The following DDHD1 variants were observed in gnomAD, a reference collection of about 807,000 sequenced individuals.
The protein encoded by DDHD1 is phospholipase DDHD1.
Under a neutral mutation model 96.4 loss-of-function variants are expected in DDHD1, and 49 were observed. The observed-to-expected ratio is 0.51, with a 90% CI of 0.40 to 0.64. The LOEUF (loss-of-function observed/expected upper bound fraction) is 0.64. DDHD1 is among the 30% of genes least tolerant of loss of function. The pLI, the probability that DDHD1 is intolerant of heterozygous loss-of-function variation, is 0.00. For synonymous variants in DDHD1, 442 were observed against 446.5 expected, an observed-to-expected ratio of 0.99 and a Z score of 0.13; for missense variants, 1,106 against 1,161.2, an observed-to-expected ratio of 0.95 and a Z score of 0.69.
At chr14:53,118,407 AC>A (rs1156630251) in intron 1 of DDHD1, among the ~76,000 whole-genome samples, 1 of 152,136 alleles carries the variant, frequency 6.6e-6, no homozygotes, top group Non-Finnish European at 1.5e-5. Flanking sequence ...AAAGCTAAAA[AC>A]CTTGAAAAAA....
Position 53,041,463 on chromosome 14 carries a change from C to T in DDHD1, c.*5305G>A, listed in dbSNP as rs762134825. On this transcript the variant is annotated 3_prime_UTR_variant, in exon 13 of 13. Transcript: ENST00000673822. ...CTCATAGTCTCCAAAAAGGATAGTACTTAAATTTTAAATTTCTGAGTTAAC... is the reference window on the plus strand; with the variant it reads ...CTCATAGTCTCCAAAAAGGATAGTATTTAAATTTTAAATTTCTGAGTTAAC... 2.0e-5 allele frequency: 3 copies of T among 152,020 alleles called. No homozygotes were observed. Among genetic ancestry groups the T allele is most frequent in the African/African-American group, 4.8e-5 (2 of 41,402 alleles). The allele number at this position is 152,020 out of a possible 1,614,324, so 9.4% of individuals were successfully genotyped here. A position where few individuals can be genotyped will look rare whatever the true frequency, so the allele number is the denominator to read the frequency against.
chr14:53,106,156 C>T (rs750013864), intron 1 of DDHD1, among the ~76,000 whole-genome samples: 14 of 152,056 alleles, frequency 9.2e-5, no homozygotes, highest in Non-Finnish European at 2.1e-4. Context: ...ATTCTTTTTA[C>T]TTTGTCAGAA....
intron 1 of DDHD1, chr14:53,149,975 A>G (rs1383661401): frequency 2.0e-5 from 3 of 152,228 alleles, no homozygotes; most frequent in South Asian, 2.1e-4. Context: ...TTAGCACTGC[A>G]TATCTACCCT....
chr14:53,120,953 T>C (rs1036301420), intron 1 of DDHD1, among the ~76,000 whole-genome samples: 6 of 152,070 alleles, frequency 3.9e-5, no homozygotes, highest in African/African-American at 1.4e-4. Flanking sequence ...AAGTGGGATC[T>C]AATTAAAGAG....
chr14:53,136,927 A>C (rs923711482), intron 1 of DDHD1, among the ~76,000 whole-genome samples: 6 of 152,208 alleles, frequency 3.9e-5, no homozygotes, highest in Non-Finnish European at 4.4e-5. Flanking sequence ...ATGAAAATTC[A>C]ACACATACCC....
rs1249966142 is a variant in DDHD1 at position 53,037,412 on chromosome 14, C to T, written c.*9356G>A. ...TCTCTTTTCTCTGAAACCTTACTGGCATGTTATTAGACTTCTTTACAATAG... is the reference window on the plus strand; with the variant it reads ...TCTCTTTTCTCTGAAACCTTACTGGTATGTTATTAGACTTCTTTACAATAG... On this transcript the variant is annotated 3_prime_UTR_variant, in exon 13 of 13. Coordinates refer to ENST00000673822, the MANE Select transcript of DDHD1 (RefSeq NM_001160148.2). 2 of 152,026 alleles carry T rather than the reference C, an allele frequency of 1.3e-5. No individual in the cohort carries two copies. The highest frequency in any genetic ancestry group is 4.8e-5 in the African/African-American group (2 of 41,414). The allele number at this position is 152,026 out of a possible 1,614,324, so 9.4% of individuals were successfully genotyped here.
At chr14:53,072,560 A>G in intron 6 of DDHD1, 37 bp downstream of exon 6, 1 of 1,272,150 alleles carries the variant, frequency 7.9e-7, no homozygotes, top group Non-Finnish European at 1.1e-6. Flanking sequence ...AGCTATCACT[A>G]AAAAATACCC....
chr14:53,117,110 C>T (rs1888601501), intron 1 of DDHD1, among the ~76,000 whole-genome samples: 1 of 152,094 alleles, frequency 6.6e-6, no homozygotes, highest in Admixed American at 6.5e-5. Flanking sequence ...TACAAACTAC[C>T]ATCAGATAAT....
intron 4 of DDHD1, among the ~76,000 whole-genome samples, chr14:53,076,709 A>G (rs1884988948): frequency 6.6e-6 from 1 of 152,174 alleles, no homozygotes; most frequent in Non-Finnish European, 1.5e-5. Flanking sequence ...TTATTTTAAG[A>G]AATTGCCACA....
chr14:53,147,171 T>C (rs1891054776), intron 1 of DDHD1, among the ~76,000 whole-genome samples: 5 of 152,180 alleles, frequency 3.3e-5, no homozygotes, highest in Admixed American at 3.3e-4. Context: ...AGAGGATTCC[T>C]TGACCAGCAC....
intron 1 of DDHD1, among the ~76,000 whole-genome samples, chr14:53,129,189 C>T (rs1345612733): frequency 6.6e-6 from 1 of 152,190 alleles, no homozygotes; most frequent in Non-Finnish European, 1.5e-5. Flanking sequence ...GTGCCGAAGA[C>T]CCGGGACAGG....
At chr14:53,128,037 G>C (rs774070913) in intron 1 of DDHD1, among the ~76,000 whole-genome samples, 1 of 152,162 alleles carries the variant, frequency 6.6e-6, no homozygotes, top group Non-Finnish European at 1.5e-5. Flanking sequence ...GAGTTCTCAC[G>C]AGATCTAATG....
chr14:53,055,755 C>G lies in DDHD1; in HGVS notation c.2150G>C (p.Gly717Ala). The change falls in exon 10 of 13, where the codon GGC (glycine) becomes GCC (alanine). Residue 717 changes from glycine to alanine, a missense_variant. This residue lies in a region of DDHD1 where 650 missense variants were observed against 758.8 expected (regional missense o/e 0.86). Transcript: ENST00000673822. ...CACAGGGCTTGGTATGGTTGAAATG[C>G]CTTCATTCTCTGAAACTGAGGTAGG... ...KEPTSVSENE[G>A]ISTIPSPVTS... The G allele has an allele frequency of 6.2e-7, 1 of 1,614,026 alleles. No individual in the cohort carries two copies. The highest frequency in any genetic ancestry group is 8.5e-7 in the Non-Finnish European group (1 of 1,179,988).
At chr14:53,130,892 G>C (rs1447338734) in intron 1 of DDHD1, among the ~76,000 whole-genome samples, 4 of 152,178 alleles carry the variant, frequency 2.6e-5, no homozygotes, top group Non-Finnish European at 5.9e-5. Flanking sequence ...CTCCTCAAAA[G>C]CCTCTTGGAC....
intron 4 of DDHD1, 37 bp downstream of exon 4, chr14:53,091,748 T>C (rs1468505747): frequency 6.3e-7 from 1 of 1,597,164 alleles, no homozygotes; most frequent in Admixed American, 1.7e-5. Flanking sequence ...GTTTGGATTC[T>C]AGATTAGATA....
At chr14:53,058,423 C>G (rs1883254709) in intron 9 of DDHD1, 54 bp downstream of exon 9, 7 of 1,556,894 alleles carry the variant, frequency 4.5e-6, no homozygotes, top group Admixed American at 3.9e-5. Flanking sequence ...CTGATAGATT[C>G]TTTTTAGGAA....
chr14:53,094,036 G>C (rs972433214), intron 2 of DDHD1, among the ~76,000 whole-genome samples: 2 of 152,122 alleles, frequency 1.3e-5, no homozygotes, highest in Admixed American at 1.3e-4. Flanking sequence ...AATTAGCCGG[G>C]TGTGGTGGCG....
At chr14:53,106,593 G>T (rs894942129) in intron 1 of DDHD1, among the ~76,000 whole-genome samples, 1 of 152,122 alleles carries the variant, frequency 6.6e-6, no homozygotes, top group African/African-American at 2.4e-5. Context: ...GGAGGCGGAG[G>T]TTGCAGTGAG....
intron 11 of DDHD1, 136 bp downstream of exon 11, chr14:53,054,302 A>AT (rs1032526650): frequency 7.9e-5 from 57 of 720,318 alleles, no homozygotes; most frequent in Middle Eastern, 8.6e-4. Context: ...GAAGGAAAGC[A>AT]TTTTTTTCTT....
Sources: gnomAD v4.1 joint callset for allele counts (sites outside exome capture counted in the v4.1 genomes callset) on GRCh38, gnomAD v4.1.1 for gene constraint, gnomAD v4.1.1 regional missense constraint, MANE v1.5 for transcripts, NCBI Gene and HGNC (gene_info 2026-07-23, HGNC 2026-07-21) for gene names.